The following KAZN variants were observed in gnomAD, a reference collection of about 807,000 sequenced individuals.
KAZN encodes kazrin.
In KAZN, 40 loss-of-function variants were observed where a neutral mutation model predicts 87.4. That is an observed-to-expected ratio of 0.46 (90% CI 0.36 to 0.60). The LOEUF is 0.60. Ranked by LOEUF, KAZN falls within the 20% of genes least tolerant of loss-of-function variation. The pLI, the probability that KAZN is intolerant of heterozygous loss-of-function variation, is 0.00. For synonymous variants in KAZN, 466 were observed against 458.3 expected (o/e 1.02, Z -0.22); for missense variants, 898 against 1,073.9 (o/e 0.84, Z 2.29).
chr1:14,433,403 A>AT (rs78087892), intron 2 of KAZN, among the ~76,000 whole-genome samples: 7,015 of 152,022 alleles, frequency 0.046, 223 homozygotes, highest in African/African-American at 0.092. Context: ...AGATTCATCC[A>AT]TTTTTTTTGT....
intron 2 of KAZN, among the ~76,000 whole-genome samples, chr1:14,405,985 C>T (rs7537103): frequency 0.01 from 1,587 of 152,236 alleles, 15 homozygotes; most frequent in Non-Finnish European, 0.017. Context: ...GATGGTTAAT[C>T]GGTGCACAAA....
chr1:15,089,076 G>A (rs1476733695), intron 8 of KAZN, among the ~76,000 whole-genome samples: 1 of 151,750 alleles, frequency 6.6e-6, no homozygotes, highest in Non-Finnish European at 1.5e-5. Flanking sequence ...CTCTGACCTC[G>A]ACTCCCTCTC....
intron 1 of KAZN, among the ~76,000 whole-genome samples, chr1:13,900,165 C>G (rs973773091): frequency 1.1e-4 from 17 of 152,104 alleles, no homozygotes; most frequent in African/African-American, 4.1e-4. Context: ...AAGTTTGCCT[C>G]GACCTGGATT....
At chr1:14,095,994 A>C (rs1006905657) in intron 1 of KAZN, among the ~76,000 whole-genome samples, 2 of 152,308 alleles carry the variant, frequency 1.3e-5, no homozygotes, top group South Asian at 2.1e-4. Flanking sequence ...GATGCATATC[A>C]ATCTGTTGAG....
At chr1:14,211,392 G>T (rs1167688498) in intron 2 of KAZN, among the ~76,000 whole-genome samples, 1 of 151,864 alleles carries the variant, frequency 6.6e-6, no homozygotes, top group African/African-American at 2.4e-5. Context: ...AGCTAATTTT[G>T]TTTTTGTATT....
At chr1:13,951,817 C>A (rs1641356872) in intron 1 of KAZN, among the ~76,000 whole-genome samples, 2 of 152,176 alleles carry the variant, frequency 1.3e-5, no homozygotes, top group African/African-American at 4.8e-5. Flanking sequence ...CCTTACCACC[C>A]ACTTTCTGCT....
At chr1:14,827,329 G>A (rs12730638) in intron 1 of KAZN, among the ~76,000 whole-genome samples, 2 of 152,130 alleles carry the variant, frequency 1.3e-5, no homozygotes, top group African/African-American at 4.8e-5. Flanking sequence ...CTTTAGTGGT[G>A]ATTTGTGAGA....
intron 1 of KAZN, among the ~76,000 whole-genome samples, chr1:14,774,976 C>T (rs4661303): frequency 0.11 from 16,751 of 152,204 alleles, 959 homozygotes; most frequent in African/African-American, 0.13. Context: ...AAAGCAGACA[C>T]GGTCCTGCCC....
intron 1 of KAZN, among the ~76,000 whole-genome samples, chr1:14,103,292 T>C (rs1644300246): frequency 6.6e-6 from 1 of 152,178 alleles, no homozygotes; most frequent in Non-Finnish European, 1.5e-5. Flanking sequence ...CATCTATCTC[T>C]TCTTGAAATA....
At chr1:14,557,627 TGG>T (rs1322263974) in intron 2 of KAZN, among the ~76,000 whole-genome samples, 114 of 82,436 alleles carry the variant, frequency 1.4e-3, no homozygotes, top group Middle Eastern at 9.6e-3. Flanking sequence ...AGGGTGTGTG[TGG>T]GTGTGTGTGT....
intron 2 of KAZN, among the ~76,000 whole-genome samples, chr1:14,545,830 A>C (rs866810426): frequency 6.6e-6 from 1 of 152,128 alleles, no homozygotes. Flanking sequence ...ACTGGCTTTT[A>C]AATATCCCAC....
chr1:14,213,228 G>A (rs1190065384), intron 2 of KAZN, among the ~76,000 whole-genome samples: 2 of 152,082 alleles, frequency 1.3e-5, no homozygotes, highest in African/African-American at 4.8e-5. Flanking sequence ...AGGTACACGG[G>A]GTTGATTTCA....
intron 2 of KAZN, among the ~76,000 whole-genome samples, chr1:14,553,636 A>G (rs902818807): frequency 1.3e-5 from 2 of 152,050 alleles, no homozygotes; most frequent in Non-Finnish European, 2.9e-5. Flanking sequence ...TCAGTGCGTG[A>G]GCTTATCTGG....
At chr1:14,954,706 C>G (rs1295570112) in intron 1 of KAZN, among the ~76,000 whole-genome samples, 1 of 152,090 alleles carries the variant, frequency 6.6e-6, no homozygotes, top group African/African-American at 2.4e-5. Context: ...CCTGTAATCC[C>G]AGCACTTTGG....
At chr1:14,813,322 CAT>C (rs1421404922) in intron 1 of KAZN, among the ~76,000 whole-genome samples, 2 of 152,188 alleles carry the variant, frequency 1.3e-5, no homozygotes, top group African/African-American at 2.4e-5. Flanking sequence ...AGCTAGGTCA[CAT>C]ATGAAGCCTT....
At chr1:14,253,662 G>A (rs914210863) in intron 2 of KAZN, among the ~76,000 whole-genome samples, 2 of 152,024 alleles carry the variant, frequency 1.3e-5, no homozygotes, top group African/African-American at 4.8e-5. Context: ...GTAACTTCTG[G>A]GTAGGGAAGG....
chr1:15,060,458 G>A, intron 6 of KAZN, 156 bp downstream of exon 6: 1 of 1,003,338 alleles, frequency 1.0e-6, no homozygotes. Context: ...CCTTTTGCAA[G>A]AAGCGATGGA....
intron 2 of KAZN, among the ~76,000 whole-genome samples, chr1:14,278,002 C>T (rs1652520511): frequency 6.6e-6 from 1 of 151,678 alleles, no homozygotes; most frequent in Non-Finnish European, 1.5e-5. Context: ...TGCTCCCAAA[C>T]CTGACTGGTC....
At chr1:14,745,902 A>C (rs1197047753) in intron 1 of KAZN, among the ~76,000 whole-genome samples, 1 of 152,100 alleles carries the variant, frequency 6.6e-6, no homozygotes, top group Non-Finnish European at 1.5e-5. Flanking sequence ...CTTTCAAAAG[A>C]CTGTTCTGGG....
Sources: gnomAD v4.1 joint callset for allele counts (sites outside exome capture counted in the v4.1 genomes callset) on GRCh38, gnomAD v4.1.1 for gene constraint, MANE v1.5 for transcripts, NCBI Gene and HGNC (gene_info 2026-07-23, HGNC 2026-07-21) for gene names.